Variants in SLC26A8 observed in about 807,000 individuals in gnomAD.
The protein encoded by SLC26A8 is solute carrier family 26 member 8, also known as testis anion transporter 1.
Under a neutral mutation model 105.0 loss-of-function variants are expected in SLC26A8, and 70 were observed. The ratio of observed to expected loss-of-function variants is 0.67; its 90% CI spans 0.55 to 0.81. SLC26A8 has a LOEUF of 0.81. Among genes scored for constraint, SLC26A8 ranks in the 40% least tolerant of loss-of-function variants. The probability of loss-of-function intolerance (pLI) is 0.00; values close to 1 mark genes in which losing one functional copy is unlikely to be tolerated. For synonymous variants in SLC26A8, 415 were observed against 438.3 expected, an observed-to-expected ratio of 0.95 and a Z score of 0.66; for missense variants, 998 against 1,181.8, an observed-to-expected ratio of 0.84 and a Z score of 2.28.
At chr6:35,960,195 T>C (rs553499788) in intron 14 of SLC26A8, 103 of 162,124 alleles carry the variant, frequency 6.4e-4, no homozygotes, top group Non-Finnish European at 1.2e-3. Context: ...TGTATTCTTC[T>C]TTATTAGAGA....
chr6:35,964,803 T>C (rs1772442049), intron 11 of SLC26A8, among the ~76,000 whole-genome samples: 1 of 151,576 alleles, frequency 6.6e-6, no homozygotes, highest in African/African-American at 2.4e-5. Context: ...TTGTCTCTAC[T>C]AAAAATACAA....
intron 10 of SLC26A8, 86 bp downstream of exon 10, chr6:35,975,289 A>G: frequency 1.6e-6 from 1 of 634,946 alleles, no homozygotes; most frequent in Non-Finnish European, 2.6e-6. Flanking sequence ...AGAAGATTAA[A>G]CCCATTTAAT....
At chr6:35,971,603 A>C (rs1772798619) in intron 10 of SLC26A8, among the ~76,000 whole-genome samples, 1 of 152,196 alleles carries the variant, frequency 6.6e-6, no homozygotes, top group African/African-American at 2.4e-5. Context: ...CACAATGGGC[A>C]AATTTGTCTT....
chr6:36,019,771 T>C, intron 1 of SLC26A8, 62 bp from the exon 2 acceptor site: 3 of 1,417,478 alleles, frequency 2.1e-6, no homozygotes, highest in Non-Finnish European at 2.8e-6. Flanking sequence ...CCTCGGCATA[T>C]TTTTAAGGAA....
At chr6:36,023,389 A>G (rs1451424278) in intron 1 of SLC26A8, among the ~76,000 whole-genome samples, 1 of 152,014 alleles carries the variant, frequency 6.6e-6, no homozygotes, top group Non-Finnish European at 1.5e-5. Flanking sequence ...TCTCTAATAA[A>G]AATACAAAAA....
intron 11 of SLC26A8, among the ~76,000 whole-genome samples, chr6:35,964,528 TCTC>T (rs1217691662): frequency 6.6e-6 from 1 of 151,936 alleles, no homozygotes; most frequent in African/African-American, 2.4e-5. Context: ...ATGCCTGTAA[TCTC>T]AGCCACTCGG....
At chr6:36,014,598 A>G (rs1238784126) in intron 2 of SLC26A8, among the ~76,000 whole-genome samples, 1 of 152,112 alleles carries the variant, frequency 6.6e-6, no homozygotes, top group Non-Finnish European at 1.5e-5. Context: ...AAACTCACTT[A>G]TGGCCAGGTG....
At position 36,019,590 on chromosome 6, in the gene SLC26A8, T is replaced by G. The variant is rs920572887; in HGVS notation, c.118A>C (p.Lys40Gln). ...YNEETFQQEH[K>Q]RKASSSGNMN... ...TTCCCAGAAGAGGAGGCCTTCCTTT[T>G]GTGTTCCTGTTGAAAGGTCTCCTCA... Residue 40 changes from lysine to glutamine, a missense_variant, in exon 2 of 20, where the codon AAA becomes CAA. Transcript: ENST00000490799. 1.9e-6 allele frequency: 3 copies of G among 1,614,174 alleles called. No individual in the cohort carries two copies. Among genetic ancestry groups the G allele is most frequent in the Non-Finnish European group, 2.5e-6 (3 of 1,180,026 alleles).
intron 19 of SLC26A8, among the ~76,000 whole-genome samples, chr6:35,945,029 T>C (rs1771615183): frequency 6.6e-6 from 1 of 152,124 alleles, no homozygotes. Context: ...TTTATATTTT[T>C]AGTAGAGACA....
chr6:35,981,619 T>G lies in SLC26A8; in HGVS notation c.1025+502A>C, dbSNP rs371555397. 5.9e-5 allele frequency among the ~76,000 whole-genome samples: 9 copies of G among 152,226 alleles called. No individual in the cohort carries two copies. Among genetic ancestry groups the G allele is most frequent in the African/African-American group, 1.9e-4 (8 of 41,522 alleles). ...GTGAGCCATGATTGCGCCACTGCAC[T>G]CCAGCCTAGGCAACAGAGTGAGAAC... On this transcript the variant is annotated intron_variant, in intron 8 of 19. Transcript: ENST00000490799. The surrounding 1 kb of genome is among the most constrained non-coding windows in gnomAD (Gnocchi z 4.0).
At chr6:35,995,206 A>G (rs1406315371) in intron 5 of SLC26A8, among the ~76,000 whole-genome samples, 1 of 152,196 alleles carries the variant, frequency 6.6e-6, no homozygotes, top group Admixed American at 6.5e-5. Context: ...CATCTTGTAA[A>G]TGGCAAAAAT....
At chr6:35,945,307 T>G (rs1400691157) in intron 19 of SLC26A8, among the ~76,000 whole-genome samples, 1 of 152,210 alleles carries the variant, frequency 6.6e-6, no homozygotes, top group Non-Finnish European at 1.5e-5. Context: ...TCTCTGGCTT[T>G]TCTAGCTAGA....
In SLC26A8 at chr6:35,951,263, G is replaced by A; in HGVS notation, c.2372C>T (p.Ala791Val). The A allele has an allele frequency of 6.2e-6, 10 of 1,614,140 alleles. No homozygotes were observed. Among genetic ancestry groups the A allele is most frequent in the Non-Finnish European group, 8.5e-6 (10 of 1,180,034 alleles). Residue 791 changes from alanine (A) to valine (V), a missense_variant, in exon 19 of 20, where the codon GCC becomes GTC. By Grantham distance (64) the Ala-to-Val change is moderately conservative. Transcript: ENST00000490799. ...CTTCCTTGACAAGGCAAACAGCACG[G>A]CGTCGTGAACGCTGAGGAACAGCTG... ...KTQLFLSVHD[A>V]VLFALSRKVI...
Position 35,961,041 on chromosome 6 carries a change from A to G in SLC26A8, c.1520T>C (p.Ile507Thr), listed in dbSNP as rs1772288070. The change falls in exon 13 of 20, where the codon ATT becomes ACT. Residue 507 changes from isoleucine (I) to threonine (T), a missense_variant. By Grantham distance (89) the Ile-to-Thr change is moderately conservative. Transcript: ENST00000490799. ...GAAGAAAGCAGAAACTACTGAGATA[A>G]TTAGTCCAATGTCCAGTCCCAGGAA... The part of the protein sequence containing the change: ...SIFLGLDIGL[I>T]ISVVSAFFIT... The G allele has an allele frequency of 1.2e-6, 2 of 1,614,190 alleles. No individual in the cohort carries two copies. Among genetic ancestry groups the G allele is most frequent in the Non-Finnish European group, 1.7e-6 (2 of 1,180,040 alleles).
rs1415235312 is a variant in SLC26A8, at chr6:35,960,849, A to G, written c.1632T>C (p.Tyr544=). ...GACCCATTTGGATTCTTACCTCCCG[A>G]TAATCATTGATGCTTCTATAAATGT... The part of the protein sequence containing the change: ...NTNIYRSIND[Y]REIITIPGVK... Residue 544 remains tyrosine, a synonymous_variant, in exon 14 of 20, where the codon TAT becomes TAC. Coordinates refer to ENST00000490799, the MANE Select transcript of SLC26A8 (RefSeq NM_052961.4). 6.2e-7 allele frequency: 1 copy of G among 1,614,116 alleles called. No individual in the cohort carries two copies. The highest frequency in any genetic ancestry group is 1.3e-5 in the African/African-American group (1 of 75,030).
chr6:36,009,223 C>T (rs756185270), intron 3 of SLC26A8, among the ~76,000 whole-genome samples: 2 of 151,976 alleles, frequency 1.3e-5, no homozygotes, highest in Non-Finnish European at 1.5e-5. Context: ...TGGTGGCGTG[C>T]GCCTGTAATC....
At chr6:35,994,183 C>T (rs1304406483) in intron 5 of SLC26A8, among the ~76,000 whole-genome samples, 5 of 138,688 alleles carry the variant, frequency 3.6e-5, no homozygotes, top group African/African-American at 5.4e-5. Context: ...GGCGTGATCT[C>T]GACTCACTGC....
intron 7 of SLC26A8, among the ~76,000 whole-genome samples, chr6:35,990,809 G>A (rs1395150548): frequency 2.0e-5 from 3 of 152,118 alleles, no homozygotes; most frequent in Non-Finnish European, 4.4e-5. Flanking sequence ...TTTGGATGGT[G>A]CAACTATAGG....
chr6:35,962,146 A>G (rs1330413070), intron 12 of SLC26A8, among the ~76,000 whole-genome samples: 2 of 152,024 alleles, frequency 1.3e-5, no homozygotes, highest in Non-Finnish European at 2.9e-5. Context: ...GAATCACTTG[A>G]ACCCGGGAGG....
Sources: gnomAD v4.1 joint callset for allele counts (sites outside exome capture counted in the v4.1 genomes callset) on GRCh38, gnomAD v4.1.1 for gene constraint, Gnocchi (gnomAD v3.1) non-coding constraint, MANE v1.5 for transcripts, NCBI Gene and HGNC (gene_info 2026-07-23, HGNC 2026-07-21) for gene names.